The following ROR2 variants were observed in gnomAD, a reference collection of about 807,000 sequenced individuals.
The protein encoded by ROR2 is tyrosine-protein kinase transmembrane receptor ROR2.
In ROR2, 33 loss-of-function variants were observed where a neutral mutation model predicts 74.9. The observed-to-expected ratio is 0.44, with a 90% CI of 0.33 to 0.59. The LOEUF is 0.59. ROR2 is among the 20% of genes least tolerant of loss of function. The pLI is 0.02. For synonymous variants in ROR2, 586 were observed against 558.7 expected (o/e 1.05, Z -0.69); for missense variants, 1,216 against 1,313.8 (o/e 0.93, Z 1.15).
intron 1 of ROR2, among the ~76,000 whole-genome samples, chr9:91,869,299 C>T (rs1437485728): frequency 1.3e-5 from 2 of 152,274 alleles, no homozygotes. Context: ...TCAAGCAATC[C>T]TCCCACCTCA....
chr9:91,945,058 T>G (rs988653964), intron 1 of ROR2, among the ~76,000 whole-genome samples: 1 of 150,446 alleles, frequency 6.6e-6, no homozygotes, highest in East Asian at 2.0e-4. Context: ...CCAGCCTGGG[T>G]GACAGAGCAA....
At chr9:91,871,706 T>C (rs1829803199) in intron 1 of ROR2, among the ~76,000 whole-genome samples, 1 of 152,162 alleles carries the variant, frequency 6.6e-6, no homozygotes, top group Non-Finnish European at 1.5e-5. Context: ...GAATGAAGCC[T>C]GTAAGTGGCC....
intron 1 of ROR2, among the ~76,000 whole-genome samples, chr9:91,831,276 A>AC (rs1828458229): frequency 6.6e-6 from 1 of 151,970 alleles, no homozygotes; most frequent in African/African-American, 2.4e-5. Flanking sequence ...AAAACAAAAA[A>AC]AAAAAATTGT....
At chr9:91,866,696 A>T (rs192509849) in intron 1 of ROR2, among the ~76,000 whole-genome samples, 7 of 152,270 alleles carry the variant, frequency 4.6e-5, no homozygotes, top group Admixed American at 4.6e-4. Context: ...TAAATTTTAA[A>T]ATTTAAATTA....
intron 1 of ROR2, among the ~76,000 whole-genome samples, chr9:91,832,367 C>CAAAAAAAAA (rs10677451): frequency 1.0e-4 from 4 of 38,328 alleles, no homozygotes; most frequent in Non-Finnish European, 1.4e-4. Flanking sequence ...GTCACAATGG[C>CAAAAAAAAA]AAAAAAAAAA....
chr9:91,946,501 C>T (rs1014004319), intron 1 of ROR2, among the ~76,000 whole-genome samples: 7 of 152,156 alleles, frequency 4.6e-5, no homozygotes, highest in African/African-American at 1.7e-4. Context: ...CTCCAGGTTC[C>T]CAGGGAATGA....
intron 1 of ROR2, among the ~76,000 whole-genome samples, chr9:91,834,227 C>G (rs527447921): frequency 6.6e-6 from 1 of 152,274 alleles, no homozygotes; most frequent in African/African-American, 2.4e-5. Flanking sequence ...CAGGTCCTGG[C>G]TTTCCTGAGC....
intron 2 of ROR2, 96 bp downstream of exon 2, chr9:91,775,645 A>AC (rs1420910726): frequency 2.3e-5 from 26 of 1,126,494 alleles, no homozygotes; most frequent in Admixed American, 3.5e-5. Context: ...GGGCCAGAGG[A>AC]CCCCCAGCGC....
intron 1 of ROR2, among the ~76,000 whole-genome samples, chr9:91,918,169 G>T (rs1190815057): frequency 6.6e-6 from 1 of 152,030 alleles, no homozygotes; most frequent in Non-Finnish European, 1.5e-5. Flanking sequence ...TTGGGAGGCT[G>T]AGGCAGGAGA....
At position 91,757,591 on chromosome 9, in the gene ROR2, C is replaced by G. The variant is rs370412470; in HGVS notation, c.176-32G>C. The G allele has an allele frequency of 2.5e-6, 4 of 1,606,016 alleles. No individual in the cohort carries two copies. In the South Asian group the frequency reaches 3.3e-5, roughly 13 times the overall value. On this transcript the variant is annotated intron_variant, in intron 2 of 8. Transcript: ENST00000375708. ...AGGAGAGCGGTCACAAAAGAGCAAG[C>G]GTCAGTGAGGGCTGGAAGGAAGGGC...
chr9:91,815,139 A>C (rs966810700), intron 1 of ROR2, among the ~76,000 whole-genome samples: 10 of 152,202 alleles, frequency 6.6e-5, no homozygotes, highest in Non-Finnish European at 1.3e-4. Context: ...CTGCTTACTG[A>C]ATGGGTTTAA....
At chr9:91,868,628 C>T (rs1388832282) in intron 1 of ROR2, among the ~76,000 whole-genome samples, 2 of 152,164 alleles carry the variant, frequency 1.3e-5, no homozygotes, top group Non-Finnish European at 2.9e-5. Flanking sequence ...GCAGATTTCT[C>T]GTTAAAAACA....
At chr9:91,932,905 T>A (rs1831587464) in intron 1 of ROR2, among the ~76,000 whole-genome samples, 1 of 152,252 alleles carries the variant, frequency 6.6e-6, no homozygotes. Flanking sequence ...TGATTTCCAA[T>A]GTTGCTGGGC....
intron 1 of ROR2, among the ~76,000 whole-genome samples, chr9:91,946,807 A>C (rs1012514231): frequency 1.3e-5 from 2 of 152,188 alleles, no homozygotes; most frequent in African/African-American, 4.8e-5. Flanking sequence ...ATTTTAAAGG[A>C]GTGCCAGTCC....
At chr9:91,888,279 A>G (rs1424425603) in intron 1 of ROR2, among the ~76,000 whole-genome samples, 1 of 152,018 alleles carries the variant, frequency 6.6e-6, no homozygotes, top group African/African-American at 2.4e-5. Context: ...TATTTTTGAG[A>G]TCCATTTATT....
intron 1 of ROR2, among the ~76,000 whole-genome samples, chr9:91,841,852 G>A (rs940364911): frequency 2.0e-5 from 3 of 152,246 alleles, no homozygotes; most frequent in Non-Finnish European, 4.4e-5. Context: ...TCAACTGCCA[G>A]CAGCCTATGC....
chr9:91,872,746 T>C (rs1829835072), intron 1 of ROR2, among the ~76,000 whole-genome samples: 1 of 152,170 alleles, frequency 6.6e-6, no homozygotes, highest in African/African-American at 2.4e-5. Flanking sequence ...TAGCAGCTCT[T>C]CAGTAGAAAT....
intron 1 of ROR2, among the ~76,000 whole-genome samples, chr9:91,942,252 A>G (rs1253834547): frequency 6.6e-6 from 1 of 152,172 alleles, no homozygotes; most frequent in Non-Finnish European, 1.5e-5. Flanking sequence ...AACCTAAATG[A>G]TGTATGCTCT....
chr9:91,733,170 C>G lies in ROR2; in HGVS notation c.889G>C (p.Ala297Pro), dbSNP rs752552518. The G allele has an allele frequency of 6.2e-7, 1 of 1,607,428 alleles. No individual in the cohort carries two copies. The highest frequency in any genetic ancestry group is 8.5e-7 in the Non-Finnish European group (1 of 1,178,006). Residue 297 changes from alanine to proline, a missense_variant, in exon 6 of 9, where the codon GCT (alanine) becomes CCT (proline). Coordinates refer to ENST00000375708, the MANE Select transcript of ROR2 (RefSeq NM_004560.4). The surrounding 1 kb of genome is among the most constrained non-coding windows in gnomAD (Gnocchi z 5.7). ...EALPMPESPD[A>P]ANCMRIGIPA... Reference sequence around the variant, plus strand: ...ATGCCAATGCGCATGCAGTTGGCAGCGTCGGGGCTCTCAGGCATGGGCAGC... The same window carrying G: ...ATGCCAATGCGCATGCAGTTGGCAGGGTCGGGGCTCTCAGGCATGGGCAGC...
Sources: gnomAD v4.1 joint callset for allele counts (sites outside exome capture counted in the v4.1 genomes callset) on GRCh38, gnomAD v4.1.1 for gene constraint, Gnocchi (gnomAD v3.1) non-coding constraint, MANE v1.5 for transcripts, NCBI Gene and HGNC (gene_info 2026-07-23, HGNC 2026-07-21) for gene names.